The following GRK6 variants were observed in gnomAD, a reference collection of about 807,000 sequenced individuals.
GRK6 encodes G protein-coupled receptor kinase 6.
A neutral mutation model predicts 80.8 loss-of-function variants in GRK6; 37 were observed. That is an observed-to-expected ratio of 0.46 (90% CI 0.35 to 0.60). The LOEUF (loss-of-function observed/expected upper bound fraction) is 0.60, where lower values mean the gene tolerates loss of function less well. Ranked by LOEUF, GRK6 falls within the 20% of genes least tolerant of loss-of-function variation. The pLI is 0.00. For missense variants in GRK6, 560 were observed against 784.6 expected, an observed-to-expected ratio of 0.71 and a Z score of 3.42; for synonymous variants, 295 against 320.9, an observed-to-expected ratio of 0.92 and a Z score of 0.86.
chr5:177,426,916 C>A lies in GRK6; in HGVS notation c.52+19C>A. On this transcript the variant is annotated intron_variant, in intron 1 of 15. Coordinates refer to ENST00000355472, the MANE Select transcript of GRK6 (RefSeq NM_001004106.3). ...CGGGAAGGTGAGGCGGCCGGGTGGGCGGCCGGGCCCGGGTGCGTGGAGCGC... is the reference window on the plus strand; with the variant it reads ...CGGGAAGGTGAGGCGGCCGGGTGGGAGGCCGGGCCCGGGTGCGTGGAGCGC... 7.4e-7 allele frequency: 1 copy of A among 1,351,274 alleles called. No individual in the cohort carries two copies. Among genetic ancestry groups the A allele is most frequent in the Non-Finnish European group, 9.6e-7 (1 of 1,046,244 alleles). 83.7% of individuals were successfully genotyped at this position (1,351,274 alleles called of 1,614,324 possible).
intron 1 of GRK6, among the ~76,000 whole-genome samples, chr5:177,427,672 G>A (rs551228644): frequency 1.3e-5 from 2 of 152,242 alleles, no homozygotes; most frequent in African/African-American, 4.8e-5. Context: ...TCACTGCCTT[G>A]TGGTCAGTCT....
intron 13 of GRK6, 96 bp from the exon 14 acceptor site, chr5:177,440,604 A>T: frequency 6.9e-7 from 1 of 1,449,436 alleles, no homozygotes; most frequent in Non-Finnish European, 9.5e-7. Context: ...GGTGTCAGGC[A>T]GCACTAGGCC....
At chr5:177,439,392 T>C (rs999473446) in intron 13 of GRK6, among the ~76,000 whole-genome samples, 1 of 151,796 alleles carries the variant, frequency 6.6e-6, no homozygotes, top group Non-Finnish European at 1.5e-5. Context: ...ATACAAAAAT[T>C]AGCTGGACGT....
chr5:177,429,753 T>C lies in GRK6; in HGVS notation c.53-1119T>C, dbSNP rs1296607500. Among the ~76,000 whole-genome samples the C allele has an allele frequency of 6.6e-6, 1 of 152,042 alleles. No individual in the cohort carries two copies. Among genetic ancestry groups the C allele is most frequent in the East Asian group, 1.9e-4 (1 of 5,200 alleles). ...GAAACTGAGGCCCAGCATGAGAAAGTGGTTGTCTAAGGTTGCCATGGCGTT... is the reference window on the plus strand; with the variant it reads ...GAAACTGAGGCCCAGCATGAGAAAGCGGTTGTCTAAGGTTGCCATGGCGTT... On this transcript the variant is annotated intron_variant, in intron 1 of 15. Transcript: ENST00000355472. This position sits in a 1 kb window ranked among gnomAD's most constrained non-coding sequence, Gnocchi z 4.3.
chr5:177,433,554 C>G lies in GRK6; in HGVS notation c.616C>G (p.Arg206Gly). 1 of 1,614,014 alleles carries G rather than the reference C, an allele frequency of 6.2e-7. No individual in the cohort carries two copies. Among genetic ancestry groups the G allele is most frequent in the Non-Finnish European group, 8.5e-7 (1 of 1,180,004 alleles). ...GFGEVCACQV[R>G]ATGKMYACKK... Reference sequence around the variant, plus strand: ...GCCACAGGTGTGCGCCTGCCAGGTGCGGGCCACAGGTAAGATGTATGCCTG... The same window carrying G: ...GCCACAGGTGTGCGCCTGCCAGGTGGGGGCCACAGGTAAGATGTATGCCTG... Residue 206 changes from arginine (R) to glycine (G), a missense_variant, in exon 8 of 16, where the codon CGG becomes GGG. Arg to Gly is a moderately radical substitution (Grantham distance 125). Around this residue, in one of 3 missense-constraint regions of GRK6, gnomAD observed 77 missense variants for 156.9 expected, o/e 0.49. Transcript: ENST00000355472.
In GRK6 at chr5:177,428,466, G is replaced by T. The variant is rs1246600172; in HGVS notation, c.52+1569G>T. Among the ~76,000 whole-genome samples, 1 of 152,186 alleles carries T rather than the reference G, an allele frequency of 6.6e-6. No individual in the cohort carries two copies. Among genetic ancestry groups the T allele is most frequent in the Non-Finnish European group, 1.5e-5 (1 of 68,020 alleles). Reference sequence around the variant, plus strand: ...TTTTTTTGAGACAGAGTCTCACTGTGTCACCCAGGCTGGAGTGCAGGGCTC... The same window carrying T: ...TTTTTTTGAGACAGAGTCTCACTGTTTCACCCAGGCTGGAGTGCAGGGCTC... On this transcript the variant is annotated intron_variant, in intron 1 of 15. Transcript: ENST00000355472. The surrounding 1 kb of genome is among the most constrained non-coding windows in gnomAD (Gnocchi z 4.1).
At chr5:177,440,196 C>T (rs1044856891) in intron 13 of GRK6, among the ~76,000 whole-genome samples, 8 of 152,168 alleles carry the variant, frequency 5.3e-5, no homozygotes, top group African/African-American at 1.9e-4. Flanking sequence ...AGAAGGTGGC[C>T]GCCTGGAGCT....
At position 177,441,896 on chromosome 5, in the gene GRK6, TG is replaced by T. The variant is rs1764529182; in HGVS notation, c.*110del. On this transcript the variant is annotated 3_prime_UTR_variant, in exon 16 of 16. Coordinates refer to ENST00000355472, the MANE Select transcript of GRK6 (RefSeq NM_001004106.3). The stretch of plus-strand genomic sequence containing the variant: ...CCCATTGTCCACTCAAGTCGTGGCC[TG>T]GGGAACACAGACGGAGCTGTCCCCA... 2 of 1,061,838 alleles carry T rather than the reference TG, an allele frequency of 1.9e-6. No homozygotes were observed. Among genetic ancestry groups the T allele is most frequent in the Non-Finnish European group, 2.9e-6 (2 of 699,786 alleles). 65.8% of individuals were successfully genotyped at this position (1,061,838 alleles called of 1,614,324 possible).
chr5:177,436,391 A>T lies in GRK6; in HGVS notation c.1267-2A>T. 1 of 1,393,864 alleles carries T rather than the reference A, an allele frequency of 7.2e-7. No homozygotes were observed. The highest frequency in any genetic ancestry group is 1.1e-5 in the South Asian group (1 of 88,152). The allele number at this position is 1,393,864 out of a possible 1,614,324, so 86.3% of individuals were successfully genotyped here. A position where few individuals can be genotyped will look rare whatever the true frequency, so the allele number is the denominator to read the frequency against. The stretch of plus-strand genomic sequence containing the variant: ...TGCCTGGCCGACTCACCCCTGCCAC[A>T]GCTCCTCTGCAAGGACCCTGCCGAA... On this transcript the variant is annotated splice_acceptor_variant, in intron 12 of 15. Transcript: ENST00000355472. LOFTEE classifies it high-confidence loss of function.
upstream of GRK6, among the ~76,000 whole-genome samples, chr5:177,426,283 G>A (rs1291872361): frequency 6.6e-6 from 1 of 152,202 alleles, no homozygotes; most frequent in Non-Finnish European, 1.5e-5. Context: ...ACACCTTCAG[G>A]CGACGACCCA....
chr5:177,435,263 G>A, intron 11 of GRK6, 142 bp downstream of exon 11: 1 of 634,080 alleles, frequency 1.6e-6, no homozygotes, highest in Non-Finnish European at 2.7e-6. Context: ...TCTTCTAGAG[G>A]TTAGGAGACC....
intron 13 of GRK6, 141 bp from the exon 14 acceptor site, chr5:177,440,559 T>G (rs1764431212): frequency 6.2e-6 from 6 of 968,256 alleles, no homozygotes; most frequent in Non-Finnish European, 9.3e-6. Context: ...AGGAAGTGCG[T>G]GGGGCACCTG....
intron 4 of GRK6, 100 bp downstream of exon 4, chr5:177,432,410 A>G: frequency 8.5e-7 from 1 of 1,171,926 alleles, no homozygotes; most frequent in Non-Finnish European, 1.3e-6. Context: ...GTCTCTTCAT[A>G]CAGACACATG....
chr5:177,426,769 A>C lies in GRK6; in HGVS notation c.-77A>C. The stretch of plus-strand genomic sequence containing the variant: ...AGCCGAGCCGCGCCGAGCCGCGCCG[A>C]TCGCCATCCGGCCTCGGCACTCGCG... On this transcript the variant is annotated 5_prime_UTR_variant, in exon 1 of 16. Transcript: ENST00000355472. 9.4e-6 allele frequency: 7 copies of C among 747,372 alleles called. No homozygotes were observed. The highest frequency in any genetic ancestry group is 5.9e-5 in the South Asian group (1 of 16,990). The allele number at this position is 747,372 out of a possible 1,614,324, so 46.3% of individuals were successfully genotyped here.
chr5:177,439,075 A>G (rs1160547777), intron 13 of GRK6, among the ~76,000 whole-genome samples: 1 of 152,234 alleles, frequency 6.6e-6, no homozygotes, highest in Non-Finnish European at 1.5e-5. Flanking sequence ...TAACCTTGAA[A>G]TAACTACACT....
intron 4 of GRK6, 37 bp downstream of exon 4, chr5:177,432,347 C>T (rs758648700): frequency 6.3e-7 from 1 of 1,589,198 alleles, no homozygotes; most frequent in Non-Finnish European, 8.6e-7. Flanking sequence ...TGGGAGCCAC[C>T]AGAGCCCCGT....
In GRK6 at chr5:177,433,334, C is replaced by T. The variant is rs1319058533; in HGVS notation, c.534-13C>T. 1.2e-6 allele frequency: 2 copies of T among 1,613,990 alleles called. No individual in the cohort carries two copies. The highest frequency in any genetic ancestry group is 1.7e-6 in the Non-Finnish European group (2 of 1,179,898). The stretch of plus-strand genomic sequence containing the variant: ...TGCTCAGCCAGCGTTTGCTTCCCCA[C>T]CCCTTGCCACAGGCAGCCAGTGACC... On this transcript the variant is annotated splice_polypyrimidine_tract_variant and intron_variant, in intron 6 of 15. Transcript: ENST00000355472.
At chr5:177,436,691 A>G (rs909284298) in intron 13 of GRK6, 161 bp downstream of exon 13, 10 of 740,440 alleles carry the variant, frequency 1.4e-5, no homozygotes, top group South Asian at 2.0e-5. Context: ...GAAAAGCCCC[A>G]GGATGGGTCT....
intron 11 of GRK6, among the ~76,000 whole-genome samples, chr5:177,435,630 C>A (rs965778660): frequency 1.3e-5 from 2 of 152,258 alleles, no homozygotes; most frequent in Non-Finnish European, 2.9e-5. Context: ...CCTCCCAGGG[C>A]TGCCTGGAAG....
Sources: allele counts gnomAD v4.1 joint callset (sites outside exome capture counted in the v4.1 genomes callset), GRCh38; gene constraint gnomAD v4.1.1; regional missense constraint gnomAD v4.1.1; non-coding constraint Gnocchi (gnomAD v3.1); transcripts MANE v1.5; gene names NCBI Gene and HGNC (gene_info 2026-07-23, HGNC 2026-07-21).